EVI5: variants seen among roughly 807,000 people sequenced by gnomAD.
EVI5 encodes the protein ecotropic viral integration site 5.
EVI5 carries 73 observed loss-of-function variants against 112.0 expected under a neutral mutation model. The ratio of observed to expected loss-of-function variants is 0.65; its 90% CI spans 0.54 to 0.79. EVI5 has a LOEUF of 0.79. EVI5 is among the 30% of genes least tolerant of loss of function. EVI5 has a pLI of 0.00. For missense variants in EVI5, 900 were observed against 968.8 expected (o/e 0.93, Z 0.94); for synonymous variants, 305 against 319.9 (o/e 0.95, Z 0.50).
intron 2 of EVI5, among the ~76,000 whole-genome samples, chr1:92,711,266 G>C (rs1474959437): frequency 6.6e-6 from 1 of 152,132 alleles, no homozygotes; most frequent in African/African-American, 2.4e-5. Flanking sequence ...TCATAAGCAA[G>C]GTGAACGCCA....
intron 9 of EVI5, among the ~76,000 whole-genome samples, chr1:92,678,443 A>T (rs887165933): frequency 2.0e-5 from 3 of 151,968 alleles, no homozygotes; most frequent in African/African-American, 7.2e-5. Context: ...AGGTGGGAGG[A>T]TTGCTTGAGC....
Position 92,697,988 on chromosome 1 carries a change from A to G in EVI5, c.640-3T>C. The G allele has an allele frequency of 6.2e-7, 1 of 1,605,716 alleles. No individual in the cohort carries two copies. The highest frequency in any genetic ancestry group is 1.3e-5 in the African/African-American group (1 of 74,514). ...CAGAAAGCTTCTTCTTCTGGCATCT[A>G]CATTGGAAGAAAAAAAAACAACATA... On this transcript the variant is annotated splice_polypyrimidine_tract_variant and splice_region_variant and intron_variant, in intron 5 of 19. Coordinates refer to ENST00000684568, the MANE Select transcript of EVI5 (RefSeq NM_001350197.2).
In EVI5 at chr1:92,651,617, C is replaced by T. The variant is rs567400686; in HGVS notation, c.1392+11102G>A. Among the ~76,000 whole-genome samples the T allele has an allele frequency of 5.9e-5, 9 of 151,398 alleles. 1 individual carries two copies. Among genetic ancestry groups the T allele is most frequent in the African/African-American group, 1.5e-4 (6 of 41,256 alleles). On this transcript the variant is annotated intron_variant, in intron 13 of 19. Transcript: ENST00000684568. ...CTGTAATCCCAGCACTTTGGGAGGCCGAGGCGGGCGGATCACGAGGTCAGG... is the reference window on the plus strand; with the variant it reads ...CTGTAATCCCAGCACTTTGGGAGGCTGAGGCGGGCGGATCACGAGGTCAGG...
In EVI5 at chr1:92,512,019, T is replaced by C. The variant is rs926912183; in HGVS notation, c.*1637A>G. 1 of 152,630 alleles carries C rather than the reference T, an allele frequency of 6.6e-6. No individual in the cohort carries two copies. The highest frequency in any genetic ancestry group is 6.5e-5 in the Admixed American group (1 of 15,274). The allele number at this position is 152,630 out of a possible 1,614,324, so 9.5% of individuals were successfully genotyped here. On this transcript the variant is annotated 3_prime_UTR_variant, in exon 20 of 20. Coordinates refer to ENST00000684568, the MANE Select transcript of EVI5 (RefSeq NM_001350197.2). ...TTCCATAGGTTAACAAAATGTTTTT[T>C]TTTTCATAGGCTAACAAAAATGAGA...
intron 14 of EVI5, among the ~76,000 whole-genome samples, chr1:92,635,411 T>C: frequency 6.6e-6 from 1 of 152,176 alleles, no homozygotes; most frequent in Non-Finnish European, 1.5e-5. Context: ...GCTGCCGCCT[T>C]GCAGTTTGAT....
chr1:92,556,016 T>C (rs985952729), intron 19 of EVI5, among the ~76,000 whole-genome samples: 1 of 151,750 alleles, frequency 6.6e-6, no homozygotes, highest in African/African-American at 2.4e-5. Flanking sequence ...TGAAGAGCAA[T>C]GCTGAATGAG....
intron 13 of EVI5, among the ~76,000 whole-genome samples, chr1:92,658,728 A>G (rs965130408): frequency 6.6e-6 from 1 of 152,102 alleles, no homozygotes; most frequent in Non-Finnish European, 1.5e-5. Context: ...AGGAAAAAAA[A>G]ATCCTAAAAT....
chr1:92,733,712 T>A (rs1676875168), intron 2 of EVI5, among the ~76,000 whole-genome samples: 1 of 152,150 alleles, frequency 6.6e-6, no homozygotes, highest in African/African-American at 2.4e-5. Context: ...GCACCCGGTC[T>A]ACATTATCAG....
At chr1:92,550,912 TTTAA>T (rs1311482916) in intron 19 of EVI5, among the ~76,000 whole-genome samples, 8 of 142,560 alleles carry the variant, frequency 5.6e-5, no homozygotes, top group South Asian at 2.2e-4. Flanking sequence ...ATATAATTAA[TTTAA>T]TTAATAAAAT....
chr1:92,673,881 AC>A (rs1666275218), intron 10 of EVI5, among the ~76,000 whole-genome samples: 1 of 152,190 alleles, frequency 6.6e-6, no homozygotes, highest in Admixed American at 6.5e-5. Flanking sequence ...GAAGGTCATC[AC>A]CCCAAAGGTC....
At chr1:92,772,736 T>C (rs1683590832) in intron 1 of EVI5, among the ~76,000 whole-genome samples, 1 of 151,268 alleles carries the variant, frequency 6.6e-6, no homozygotes, top group East Asian at 1.9e-4. Context: ...TGAAACCCTG[T>C]CTCTACTAAA....
intron 1 of EVI5, chr1:92,784,410 T>C: frequency 1.0e-6 from 1 of 985,282 alleles, no homozygotes; most frequent in Non-Finnish European, 1.2e-6. Context: ...GGAGGCCAAG[T>C]AAAGACGCCA....
chr1:92,782,868 G>A (rs1481664588), intron 1 of EVI5, among the ~76,000 whole-genome samples: 1 of 152,040 alleles, frequency 6.6e-6, no homozygotes. Context: ...CGCTCAGGCT[G>A]GAGTGCAGTG....
In EVI5 at chr1:92,589,563, G is replaced by GCA. The variant is rs1237440931; in HGVS notation, c.2070+15743_2070+15744insTG. ...CAAACTGCAAGGCGGCAGCGAGGCT[G>GCA]GGGGAGGGGCGCCTGCCACTGCCGA... On this transcript the variant is annotated intron_variant, in intron 18 of 19. Transcript: ENST00000684568. Among the ~76,000 whole-genome samples the GCA allele has an allele frequency of 3.2e-4, 49 of 152,184 alleles. 1 individual carries two copies. Among genetic ancestry groups the GCA allele is most frequent in the Non-Finnish European group, 7.1e-4 (48 of 68,036 alleles).
In EVI5 at chr1:92,532,367, A is replaced by G. The variant is rs554426578; in HGVS notation, c.2167-18397T>C. Reference sequence around the variant, plus strand: ...TTTAACACCCCACTGTCAATATTAGACAGATCAATAAGACAGAAAATGAAC... The same window carrying G: ...TTTAACACCCCACTGTCAATATTAGGCAGATCAATAAGACAGAAAATGAAC... On this transcript the variant is annotated intron_variant, in intron 19 of 19. Coordinates refer to ENST00000684568, the MANE Select transcript of EVI5 (RefSeq NM_001350197.2). 2.8e-3 allele frequency among the ~76,000 whole-genome samples: 421 copies of G among 152,308 alleles called. 7 individuals carry two copies. Among genetic ancestry groups the G allele is most frequent in the Non-Finnish European group, 2.5e-4 (17 of 68,028 alleles).
At chr1:92,606,740 CAAT>C (rs1371475226) in intron 17 of EVI5, among the ~76,000 whole-genome samples, 1 of 152,162 alleles carries the variant, frequency 6.6e-6, no homozygotes, top group Non-Finnish European at 1.5e-5. Flanking sequence ...ATTTCTTATA[CAAT>C]AATAAGGCTG....
Position 92,594,244 on chromosome 1 carries a change from C to G in EVI5, c.2070+11063G>C, listed in dbSNP as rs144549026. On this transcript the variant is annotated intron_variant, in intron 18 of 19. Transcript: ENST00000684568. ...TATAGATTAATGGAACAGAACAGAG[C>G]CCTCAGAAATAATGCCACATATCTA... Among the ~76,000 whole-genome samples the G allele has an allele frequency of 8.6e-3, 1,315 of 152,172 alleles. 21 individuals carry two copies. Among genetic ancestry groups the G allele is most frequent in the African/African-American group, 0.029 (1,214 of 41,514 alleles).
chr1:92,559,773 CAAAAAAAAAAAA>C (rs34723950), intron 19 of EVI5, among the ~76,000 whole-genome samples: 1 of 47,502 alleles, frequency 2.1e-5, no homozygotes, highest in Non-Finnish European at 3.7e-5. Flanking sequence ...GACTCCCTCT[CAAAAAAAAAAAA>C]AAAAAAAAAA....
intron 18 of EVI5, among the ~76,000 whole-genome samples, chr1:92,572,953 T>C (rs1313635024): frequency 1.3e-5 from 2 of 152,090 alleles, no homozygotes; most frequent in African/African-American, 2.4e-5. Flanking sequence ...AATCAAACTT[T>C]TTCTGAAGCA....
Sources: allele counts gnomAD v4.1 joint callset (sites outside exome capture counted in the v4.1 genomes callset), GRCh38; gene constraint gnomAD v4.1.1; transcripts MANE v1.5; gene names NCBI Gene and HGNC (gene_info 2026-07-23, HGNC 2026-07-21).